The following MCPH1 variants were observed in gnomAD, a reference collection of about 807,000 sequenced individuals.
MCPH1 encodes microcephalin 1, also known as microcephalin.
In MCPH1, 104 loss-of-function variants were observed where a neutral mutation model predicts 84.5. The observed-to-expected ratio is 1.23, with a 90% CI of 1.05 to 1.45. The LOEUF (loss-of-function observed/expected upper bound fraction) is 1.45. Ranked by LOEUF, MCPH1 falls within the 40% of genes most tolerant of loss-of-function variation. The pLI, the probability that MCPH1 is intolerant of heterozygous loss-of-function variation, is 0.00. For missense variants in MCPH1, 1,498 were observed against 1,005.7 expected, an observed-to-expected ratio of 1.49 and a Z score of -6.62; for synonymous variants, 514 against 366.8, an observed-to-expected ratio of 1.40 and a Z score of -4.58.
In MCPH1 at chr8:6,636,006, A is replaced by G. The variant is rs192623393; in HGVS notation, c.2453-6988A>G. Among the ~76,000 whole-genome samples, 6 of 152,324 alleles carry G rather than the reference A, an allele frequency of 3.9e-5. No homozygotes were observed. The East Asian group carries it at 1.2e-3, about 29-fold the overall frequency. On this transcript the variant is annotated intron_variant, in intron 13 of 13. Coordinates refer to ENST00000344683, the MANE Select transcript of MCPH1 (RefSeq NM_024596.5). ...TTTACTGTGAAGTACTTATGTGTGA[A>G]TAAGTGTAAGGAAATGACTGCTTGG...
At chr8:6,594,461 A>G (rs544386849) in intron 12 of MCPH1, among the ~76,000 whole-genome samples, 141 of 152,310 alleles carry the variant, frequency 9.3e-4, no homozygotes, top group African/African-American at 3.3e-3. Flanking sequence ...GTGGGCCCTC[A>G]TAGAAGCTCC....
Position 6,590,503 on chromosome 8 carries a change from G to T in MCPH1, c.2215-30951G>T, listed in dbSNP as rs187710727. Reference sequence around the variant, plus strand: ...TCAAACTCATGTCAGATGCCCCTCGGCCACTAGACAGAATCTGCTGCTATC... The same window carrying T: ...TCAAACTCATGTCAGATGCCCCTCGTCCACTAGACAGAATCTGCTGCTATC... On this transcript the variant is annotated intron_variant, in intron 12 of 13. Coordinates refer to ENST00000344683, the MANE Select transcript of MCPH1 (RefSeq NM_024596.5). Among the ~76,000 whole-genome samples, 305 of 152,276 alleles carry T rather than the reference G, an allele frequency of 2.0e-3. 3 individuals carry two copies. Among genetic ancestry groups the T allele is most frequent in the African/African-American group, 7.1e-3 (294 of 41,560 alleles).
At chr8:6,435,901 C>T (rs1802574403) in intron 4 of MCPH1, 147 bp from the exon 5 acceptor site, 2 of 801,722 alleles carry the variant, frequency 2.5e-6, no homozygotes, top group Non-Finnish European at 1.9e-6. Flanking sequence ...TAAATATTGC[C>T]AGTTCACATA....
chr8:6,510,356 A>G (rs572226361), intron 12 of MCPH1, among the ~76,000 whole-genome samples: 136 of 152,300 alleles, frequency 8.9e-4, no homozygotes, highest in African/African-American at 3.2e-3. Context: ...AAATCCTGCA[A>G]TGGTGGCAGG....
intron 12 of MCPH1, 174 bp from the exon 13 acceptor site, chr8:6,621,280 C>A (rs749215781): frequency 2.2e-4 from 178 of 803,178 alleles, no homozygotes; most frequent in Non-Finnish European, 3.4e-4. Flanking sequence ...AGTTTTATGT[C>A]ATTAATGTCA....
intron 8 of MCPH1, among the ~76,000 whole-genome samples, chr8:6,449,342 A>G (rs1804803609): frequency 6.6e-6 from 1 of 152,182 alleles, no homozygotes; most frequent in African/African-American, 2.4e-5. Context: ...GTTTTGAAAT[A>G]GGAAATTCCG....
intron 12 of MCPH1, chr8:6,616,672 A>T (rs1393778133): frequency 6.6e-6 from 1 of 152,194 alleles, no homozygotes; most frequent in Non-Finnish European, 1.5e-5. Context: ...CCTCAACTAC[A>T]TGTATACATC....
chr8:6,440,704 C>G (rs1390731748), intron 6 of MCPH1, among the ~76,000 whole-genome samples: 1 of 152,176 alleles, frequency 6.6e-6, no homozygotes, highest in African/African-American at 2.4e-5. Flanking sequence ...TGATTAGAAG[C>G]AGGTTTAAGT....
intron 12 of MCPH1, among the ~76,000 whole-genome samples, chr8:6,525,478 C>G (rs1280000642): frequency 6.6e-6 from 1 of 152,228 alleles, no homozygotes; most frequent in Non-Finnish European, 1.5e-5. Flanking sequence ...AATCCTATCA[C>G]TCTGGCCTCC....
chr8:6,453,417 T>C (rs1805309905), intron 8 of MCPH1, among the ~76,000 whole-genome samples: 1 of 151,678 alleles, frequency 6.6e-6, no homozygotes, highest in Non-Finnish European at 1.5e-5. Context: ...TTAATATCAG[T>C]CTTTCTTAAG....
Position 6,565,686 on chromosome 8 carries a change from A to G in MCPH1, c.2215-55768A>G, listed in dbSNP as rs564454082. Among the ~76,000 whole-genome samples, 7 of 152,336 alleles carry G rather than the reference A, an allele frequency of 4.6e-5. No individual in the cohort carries two copies. In the East Asian group the frequency reaches 1.3e-3, roughly 29 times the overall value. On this transcript the variant is annotated intron_variant, in intron 12 of 13. Transcript: ENST00000344683. ...CCAGCCTTGTGTCAGACACCATGCT[A>G]TGCACTGGGGATAGAGATTAAGGCA...
At chr8:6,477,542 TA>T (rs1808636001) in intron 9 of MCPH1, 51 bp from the exon 10 acceptor site, 9 of 1,530,700 alleles carry the variant, frequency 5.9e-6, no homozygotes, top group South Asian at 1.1e-5. Flanking sequence ...GTGGGAAAAA[TA>T]TTTTTTATGT....
intron 9 of MCPH1, among the ~76,000 whole-genome samples, chr8:6,465,455 C>T (rs995651791): frequency 1.3e-5 from 2 of 152,200 alleles, no homozygotes; most frequent in East Asian, 1.9e-4. Context: ...TATTCTCTTC[C>T]TCTTACCAGT....
rs895891379 is a variant in MCPH1 at position 6,563,000 on chromosome 8, G to A, written c.2215-58454G>A. 6.0e-6 allele frequency: 9 copies of A among 1,507,804 alleles called. No individual in the cohort carries two copies. In the African/African-American group the frequency reaches 1.2e-4, roughly 21 times the overall value. The allele number at this position is 1,507,804 out of a possible 1,614,324, so 93.4% of individuals were successfully genotyped here. A position where few individuals can be genotyped will look rare whatever the true frequency, so the allele number is the denominator to read the frequency against. On this transcript the variant is annotated intron_variant, in intron 12 of 13. Coordinates refer to ENST00000344683, the MANE Select transcript of MCPH1 (RefSeq NM_024596.5). ...GGCAAACACACGTCCAGAGTCCCGA[G>A]CTGCTGCCGTCTAAAACGCAGGGCT...
chr8:6,445,211 A>C lies in MCPH1; in HGVS notation c.1489A>C (p.Ser497Arg), dbSNP rs1200939682. The C allele has an allele frequency of 6.2e-7, 1 of 1,614,246 alleles. No homozygotes were observed. Among genetic ancestry groups the C allele is most frequent in the Non-Finnish European group, 8.5e-7 (1 of 1,180,044 alleles). ...AAATGGTGAAGGCCGTGCAACTTCG[A>C]GTTGCGTGACTTCTGCCCCTGAAGA... ...TGNGEGRATS[S>R]CVTSAPEEAL... The change falls in exon 8 of 14, where the codon AGT (serine) becomes CGT (arginine). Residue 497 changes from serine (S) to arginine (R), a missense_variant. Coordinates refer to ENST00000344683, the MANE Select transcript of MCPH1 (RefSeq NM_024596.5).
At chr8:6,436,248 G>C in intron 5 of MCPH1, 86 bp downstream of exon 5, 1 of 1,377,222 alleles carries the variant, frequency 7.3e-7, no homozygotes, top group East Asian at 2.4e-5. Context: ...GGTTCAGCAT[G>C]AGAGAGCTGA....
intron 12 of MCPH1, among the ~76,000 whole-genome samples, chr8:6,547,026 C>G (rs1168354352): frequency 6.6e-6 from 1 of 152,130 alleles, no homozygotes; most frequent in Non-Finnish European, 1.5e-5. Context: ...AAGAAGCGTT[C>G]TCAGAGCAAC....
At chr8:6,637,565 A>G (rs1745882750) in intron 13 of MCPH1, among the ~76,000 whole-genome samples, 1 of 152,180 alleles carries the variant, frequency 6.6e-6, no homozygotes, top group South Asian at 2.1e-4. Context: ...AACAGCAAGA[A>G]GTTTGGGTTC....
intron 11 of MCPH1, among the ~76,000 whole-genome samples, chr8:6,497,858 G>A (rs1811433294): frequency 6.6e-6 from 1 of 152,160 alleles, no homozygotes; most frequent in African/African-American, 2.4e-5. Context: ...ACATTGATTT[G>A]AACATAGGTA....
Sources: allele counts gnomAD v4.1 joint callset (sites outside exome capture counted in the v4.1 genomes callset), GRCh38; gene constraint gnomAD v4.1.1; transcripts MANE v1.5; gene names NCBI Gene and HGNC (gene_info 2026-07-23, HGNC 2026-07-21).